AKT3: variants seen among roughly 807,000 people sequenced by gnomAD.
AKT3 encodes the protein AKT serine/threonine kinase 3, also known as RAC-gamma serine/threonine-protein kinase.
Under a neutral mutation model 65.3 loss-of-function variants are expected in AKT3, and 15 were observed. The ratio of observed to expected loss-of-function variants is 0.23; its 90% confidence interval spans 0.15 to 0.35. AKT3 has a LOEUF of 0.35. Among genes scored for constraint, AKT3 ranks in the 10% least tolerant of loss-of-function variants. The pLI is 1.00. For missense variants in AKT3, 243 were observed against 576.5 expected (o/e 0.42, Z 5.92); for synonymous variants, 206 against 183.8 (o/e 1.12, Z -0.98).
At chr1:243,721,022 T>G (rs961383440) in intron 2 of AKT3, among the ~76,000 whole-genome samples, 3 of 152,128 alleles carry the variant, frequency 2.0e-5, no homozygotes, top group African/African-American at 7.2e-5. Context: ...CATCTTCTCC[T>G]GCCCTCCTGT....
chr1:243,679,458 C>T (rs1231472437), intron 3 of AKT3, among the ~76,000 whole-genome samples: 1 of 152,176 alleles, frequency 6.6e-6, no homozygotes, highest in Non-Finnish European at 1.5e-5. Context: ...AAAATAACTG[C>T]CATCTTCATT....
downstream of AKT3, among the ~76,000 whole-genome samples, chr1:243,498,286 G>A (rs1378260873): frequency 1.3e-5 from 2 of 152,198 alleles, no homozygotes; most frequent in African/African-American, 4.8e-5. Flanking sequence ...AGGACAGAAG[G>A]GAGTCCCCTC....
intron 2 of AKT3, among the ~76,000 whole-genome samples, chr1:243,698,485 A>G (rs778108183): frequency 1.2e-4 from 18 of 152,086 alleles, no homozygotes; most frequent in Non-Finnish European, 2.1e-4. Context: ...TGAAAAACAC[A>G]AAAACATCAT....
At chr1:243,736,933 T>C (rs2148162925) in intron 2 of AKT3, among the ~76,000 whole-genome samples, 1 of 152,274 alleles carries the variant, frequency 6.6e-6, no homozygotes, top group Non-Finnish European at 1.5e-5. Flanking sequence ...CACACACAAA[T>C]AACATATGTA....
intron 3 of AKT3, among the ~76,000 whole-genome samples, chr1:243,693,870 A>G (rs912925527): frequency 1.3e-5 from 2 of 152,160 alleles, no homozygotes; most frequent in African/African-American, 4.8e-5. Flanking sequence ...CCTACAACTT[A>G]CTTGTTAGTT....
At chr1:243,678,457 T>G (rs1454047714) in intron 3 of AKT3, among the ~76,000 whole-genome samples, 1 of 152,196 alleles carries the variant, frequency 6.6e-6, no homozygotes, top group Non-Finnish European at 1.5e-5. Context: ...TCTGCCAATT[T>G]AAATCAGTAG....
chr1:243,751,233 C>G (rs116281440), intron 2 of AKT3, among the ~76,000 whole-genome samples: 46 of 152,176 alleles, frequency 3.0e-4, no homozygotes, highest in Middle Eastern at 3.4e-3. Context: ...AGCCTCTATA[C>G]AACTTTTATA....
intron 1 of AKT3, among the ~76,000 whole-genome samples, chr1:243,845,583 T>A (rs1358855378): frequency 6.3e-5 from 1 of 15,954 alleles, no homozygotes; most frequent in Non-Finnish European, 2.3e-4. Context: ...AGTGAGAACC[T>A]GTCTCAAAAA....
intron 2 of AKT3, among the ~76,000 whole-genome samples, chr1:243,828,897 G>C (rs1694334300): frequency 6.6e-6 from 1 of 152,142 alleles, no homozygotes; most frequent in African/African-American, 2.4e-5. Context: ...CTAAGAGCAA[G>C]TTAAGTCAAA....
chr1:243,734,572 C>G (rs78606816), intron 2 of AKT3, among the ~76,000 whole-genome samples: 1 of 151,898 alleles, frequency 6.6e-6, no homozygotes, highest in Admixed American at 6.6e-5. Context: ...AAGTGGCACA[C>G]CTCTATAGGG....
chr1:243,550,958 CAAAAA>C (rs60047036), intron 11 of AKT3, among the ~76,000 whole-genome samples: 1 of 17,544 alleles, frequency 5.7e-5, no homozygotes, highest in Non-Finnish European at 1.0e-4. Flanking sequence ...GACTCCCTCT[CAAAAA>C]AAAAAAAAAA....
chr1:243,825,068 A>G (rs1694087225), intron 2 of AKT3, among the ~76,000 whole-genome samples: 1 of 152,248 alleles, frequency 6.6e-6, no homozygotes, highest in Admixed American at 6.5e-5. Flanking sequence ...AATACTATAT[A>G]GCCATAAAAA....
intron 8 of AKT3, among the ~76,000 whole-genome samples, chr1:243,584,643 A>T (rs545056712): frequency 6.6e-6 from 1 of 152,326 alleles, no homozygotes; most frequent in South Asian, 2.1e-4. Flanking sequence ...ACATATACAA[A>T]TCAATAAATG....
intron 2 of AKT3, among the ~76,000 whole-genome samples, chr1:243,790,975 A>G (rs1226989086): frequency 1.3e-5 from 2 of 152,208 alleles, no homozygotes; most frequent in African/African-American, 2.4e-5. Flanking sequence ...TAACCGGTAT[A>G]ATAATAACGA....
At chr1:243,686,439 C>T (rs1184019330) in intron 3 of AKT3, among the ~76,000 whole-genome samples, 1 of 151,518 alleles carries the variant, frequency 6.6e-6, no homozygotes, top group African/African-American at 2.4e-5. Flanking sequence ...CTGCAACAGA[C>T]TGTTGTAAGC....
intron 3 of AKT3, among the ~76,000 whole-genome samples, chr1:243,667,963 C>T (rs1682913661): frequency 2.0e-5 from 3 of 152,150 alleles, no homozygotes. Flanking sequence ...CTTAGACATC[C>T]TATTTAATAC....
intron 12 of AKT3, among the ~76,000 whole-genome samples, chr1:243,517,851 G>A (rs1213586458): frequency 6.6e-6 from 1 of 152,182 alleles, no homozygotes; most frequent in African/African-American, 2.4e-5. Flanking sequence ...TTTCCCACTT[G>A]TCTCCTCTGG....
intron 11 of AKT3, among the ~76,000 whole-genome samples, chr1:243,549,784 T>C (rs1270029682): frequency 6.6e-6 from 1 of 152,164 alleles, no homozygotes; most frequent in Non-Finnish European, 1.5e-5. Flanking sequence ...AATCTGTCCA[T>C]GACAAAGCTG....
intron 4 of AKT3, among the ~76,000 whole-genome samples, chr1:243,650,548 T>TGGA (rs1681228592): frequency 6.6e-6 from 1 of 152,202 alleles, no homozygotes; most frequent in Non-Finnish European, 1.5e-5. Context: ...AGGTCTTACA[T>TGGA]TTAAGTCTTT....
Sources: gnomAD v4.1 joint callset for allele counts (sites outside exome capture counted in the v4.1 genomes callset) on GRCh38, gnomAD v4.1.1 for gene constraint, MANE v1.5 for transcripts, NCBI Gene and HGNC (gene_info 2026-07-23, HGNC 2026-07-21) for gene names.